The following TMPRSS15 variants were observed in gnomAD, a reference collection of about 807,000 sequenced individuals.
TMPRSS15 encodes enteropeptidase.
In TMPRSS15, 128 loss-of-function variants were observed where a neutral mutation model predicts 125.3. That is an observed-to-expected ratio of 1.02 (90% CI 0.89 to 1.18). The LOEUF is 1.18. Ranked by LOEUF, TMPRSS15 falls within the 50% of genes most tolerant of loss-of-function variation. The probability of loss-of-function intolerance (pLI) is 0.00; values close to 1 mark genes in which losing one functional copy is unlikely to be tolerated. For synonymous variants in TMPRSS15, 446 were observed against 423.2 expected (o/e 1.05, Z -0.66); for missense variants, 1,283 against 1,212.7 (o/e 1.06, Z -0.86).
At chr21:18,283,925 A>G (rs1294333745) in intron 21 of TMPRSS15, among the ~76,000 whole-genome samples, 10 of 152,158 alleles carry the variant, frequency 6.6e-5, no homozygotes. Flanking sequence ...TCATTATTTT[A>G]AGGACTTGAG....
intron 1 of TMPRSS15, among the ~76,000 whole-genome samples, chr21:18,444,680 T>A (rs937781295): frequency 6.6e-6 from 1 of 152,206 alleles, no homozygotes; most frequent in African/African-American, 2.4e-5. Context: ...ACCTCAAACA[T>A]GTGTCATTTC....
chr21:18,420,912 C>A (rs1392676672), intron 1 of TMPRSS15, among the ~76,000 whole-genome samples: 3 of 152,196 alleles, frequency 2.0e-5, no homozygotes, highest in African/African-American at 7.2e-5. Flanking sequence ...CTTAAAACAT[C>A]ATTCCTAAAT....
intron 1 of TMPRSS15, among the ~76,000 whole-genome samples, chr21:18,448,881 C>A (rs935317779): frequency 6.6e-6 from 1 of 152,092 alleles, no homozygotes; most frequent in African/African-American, 2.4e-5. Flanking sequence ...TAAACTATTT[C>A]TTTCAATGAT....
chr21:18,305,399 A>G (rs1316502594), intron 18 of TMPRSS15, among the ~76,000 whole-genome samples: 2 of 152,030 alleles, frequency 1.3e-5, no homozygotes, highest in South Asian at 2.1e-4. Flanking sequence ...CGGGTTAGCC[A>G]GGATGGTCTC....
At chr21:18,420,187 C>G (rs1377554095) in intron 1 of TMPRSS15, among the ~76,000 whole-genome samples, 2 of 152,148 alleles carry the variant, frequency 1.3e-5, no homozygotes, top group African/African-American at 2.4e-5. Flanking sequence ...TATTGAATTC[C>G]TCCAATGCTA....
At chr21:18,271,344 C>G (rs116936794) in intron 24 of TMPRSS15, among the ~76,000 whole-genome samples, 1,908 of 152,170 alleles carry the variant, frequency 0.013, 19 homozygotes, top group South Asian at 0.041. Context: ...AAAGGAGTAA[C>G]TTGTTTTTTT....
chr21:18,476,012 G>A (rs895876917), intron 1 of TMPRSS15, among the ~76,000 whole-genome samples: 2 of 152,080 alleles, frequency 1.3e-5, no homozygotes, highest in African/African-American at 4.8e-5. Context: ...GCAGAATATG[G>A]TAAGTTAAGT....
chr21:18,336,674 T>C (rs1216368513), intron 13 of TMPRSS15, among the ~76,000 whole-genome samples: 1 of 152,158 alleles, frequency 6.6e-6, no homozygotes, highest in African/African-American at 2.4e-5. Flanking sequence ...TTTTGTCTTG[T>C]TTTGAGATTG....
chr21:18,404,930 T>C (rs2123154224), upstream of TMPRSS15, among the ~76,000 whole-genome samples: 1 of 152,056 alleles, frequency 6.6e-6, no homozygotes, highest in East Asian at 1.9e-4. Context: ...GAAATATATA[T>C]ATGAAATCAG....
intron 1 of TMPRSS15, among the ~76,000 whole-genome samples, chr21:18,479,195 A>C (rs554391092): frequency 6.6e-6 from 1 of 152,086 alleles, no homozygotes; most frequent in Middle Eastern, 3.4e-3. Context: ...TCTGCATAAT[A>C]CTTTCATATG....
At chr21:18,473,102 A>G (rs1022054392) in intron 1 of TMPRSS15, among the ~76,000 whole-genome samples, 1 of 152,126 alleles carries the variant, frequency 6.6e-6, no homozygotes, top group Non-Finnish European at 1.5e-5. Flanking sequence ...GTTAAATGCA[A>G]TAACAAAGCA....
At chr21:18,460,782 A>G (rs1157346437) in intron 1 of TMPRSS15, 1 of 152,172 alleles carries the variant, frequency 6.6e-6, no homozygotes, top group East Asian at 1.9e-4. Context: ...GCTTTACTCA[A>G]AGTTCACTGA....
intron 12 of TMPRSS15, 69 bp from the exon 13 acceptor site, chr21:18,341,617 T>C (rs2075447092): frequency 1.3e-6 from 2 of 1,525,104 alleles, no homozygotes; most frequent in African/African-American, 2.7e-5. Context: ...ATTCTTCTTG[T>C]GAGCCCAAGA....
At chr21:18,280,298 C>A (rs544612461) in intron 22 of TMPRSS15, among the ~76,000 whole-genome samples, 1 of 152,056 alleles carries the variant, frequency 6.6e-6, no homozygotes, top group South Asian at 2.1e-4. Flanking sequence ...CTATGAAGGC[C>A]GGGCACGGTG....
At chr21:18,365,643 T>TCC (rs1555904770) in intron 6 of TMPRSS15, among the ~76,000 whole-genome samples, 3 of 26,774 alleles carry the variant, frequency 1.1e-4, no homozygotes, top group Non-Finnish European at 1.7e-4. Context: ...TCTCTCTCTT[T>TCC]TTCCTCCCTT....
intron 24 of TMPRSS15, among the ~76,000 whole-genome samples, chr21:18,272,543 G>A (rs1047315520): frequency 3.9e-5 from 6 of 152,008 alleles, no homozygotes; most frequent in Admixed American, 2.0e-4. Context: ...GGCCAACATG[G>A]TGAAACCCGG....
intron 1 of TMPRSS15, among the ~76,000 whole-genome samples, chr21:18,420,886 GTGTATGGC>G (rs1237668670): frequency 6.6e-6 from 1 of 152,150 alleles, no homozygotes; most frequent in Non-Finnish European, 1.5e-5. Context: ...GATTTCAAAA[GTGTATGGC>G]TTTAACACTT....
chr21:18,311,409 G>T (rs371646701), intron 18 of TMPRSS15, among the ~76,000 whole-genome samples: 1 of 151,854 alleles, frequency 6.6e-6, no homozygotes, highest in Non-Finnish European at 1.5e-5. Flanking sequence ...CATATATTCC[G>T]ACTTTAAAAA....
chr21:18,471,502 G>A (rs1305071159), intron 1 of TMPRSS15, among the ~76,000 whole-genome samples: 1 of 151,590 alleles, frequency 6.6e-6, no homozygotes, highest in African/African-American at 2.4e-5. Context: ...ATAATATGGT[G>A]TTTTTCCTGG....
Sources: allele counts gnomAD v4.1 joint callset (sites outside exome capture counted in the v4.1 genomes callset), GRCh38; gene constraint gnomAD v4.1.1; transcripts MANE v1.5; gene names NCBI Gene and HGNC (gene_info 2026-07-23, HGNC 2026-07-21).